Variants in SYNDIG1 observed in about 807,000 individuals in gnomAD.
The protein encoded by SYNDIG1 is synapse differentiation-inducing gene protein 1.
Under a neutral mutation model 19.4 loss-of-function variants are expected in SYNDIG1, and 9 were observed. The observed-to-expected ratio is 0.46, with a 90% CI of 0.28 to 0.81. SYNDIG1 has a LOEUF of 0.81. Ranked by LOEUF, SYNDIG1 falls within the 30% of genes least tolerant of loss-of-function variation. The pLI is 0.12. For synonymous variants in SYNDIG1, 141 were observed against 145.9 expected, an observed-to-expected ratio of 0.97 and a Z score of 0.24; for missense variants, 311 against 343.3, an observed-to-expected ratio of 0.91 and a Z score of 0.74.
intron 1 of SYNDIG1, among the ~76,000 whole-genome samples, chr20:24,540,812 T>C (rs1423656968): frequency 1.3e-5 from 2 of 152,168 alleles, no homozygotes; most frequent in Non-Finnish European, 2.9e-5. Flanking sequence ...AGTATTTTGT[T>C]GGGAGTTTTA....
chr20:24,626,640 C>A (rs2059142502), intron 3 of SYNDIG1, among the ~76,000 whole-genome samples: 1 of 152,154 alleles, frequency 6.6e-6, no homozygotes, highest in Non-Finnish European at 1.5e-5. Flanking sequence ...GATGGGCGGC[C>A]AGGCAGAGAC....
chr20:24,633,122 G>T (rs932180420), intron 3 of SYNDIG1, among the ~76,000 whole-genome samples: 1 of 152,160 alleles, frequency 6.6e-6, no homozygotes, highest in African/African-American at 2.4e-5. Context: ...GACGTGGCTT[G>T]CTGCAGCAAG....
intron 2 of SYNDIG1, among the ~76,000 whole-genome samples, chr20:24,560,062 C>CTTTT (rs1247087275): frequency 1.4e-5 from 1 of 70,346 alleles, no homozygotes; most frequent in Non-Finnish European, 2.6e-5. Context: ...TCTCTCCTCT[C>CTTTT]CTTTTTTTTT....
chr20:24,508,369 C>T (rs1281517474), intron 1 of SYNDIG1, among the ~76,000 whole-genome samples: 3 of 151,810 alleles, frequency 2.0e-5, no homozygotes, highest in Non-Finnish European at 4.4e-5. Flanking sequence ...GCTGAGATTA[C>T]AGGCGTGCAC....
intron 3 of SYNDIG1, among the ~76,000 whole-genome samples, chr20:24,607,375 A>G (rs1257687594): frequency 4.6e-5 from 7 of 151,708 alleles, no homozygotes; most frequent in Non-Finnish European, 8.8e-5. Context: ...AAAAAAAAAA[A>G]AAAGAATAAA....
At position 24,662,465 on chromosome 20, in the gene SYNDIG1, T is replaced by C. The variant is rs537605592; in HGVS notation, c.619-2881T>C. Among the ~76,000 whole-genome samples the C allele has an allele frequency of 4.6e-5, 7 of 152,204 alleles. No homozygotes were observed. In the South Asian group the frequency reaches 1.5e-3, roughly 32 times the overall value. On this transcript the variant is annotated intron_variant, in intron 3 of 3. Coordinates refer to ENST00000376862, the MANE Select transcript of SYNDIG1 (RefSeq NM_024893.3). ...GTTTCAGGTTGCAGGACATCTCCCT[T>C]GGGGGCTACGTCTGATGCCCTGCAG... is the stretch of plus-strand genomic sequence containing the variant.
At chr20:24,516,865 A>T (rs1881587217) in intron 1 of SYNDIG1, among the ~76,000 whole-genome samples, 1 of 152,210 alleles carries the variant, frequency 6.6e-6, no homozygotes, top group Non-Finnish European at 1.5e-5. Context: ...TGTTTATTGC[A>T]GCACTAGTCA....
chr20:24,648,396 T>A (rs1383005368), intron 3 of SYNDIG1, among the ~76,000 whole-genome samples: 1 of 152,238 alleles, frequency 6.6e-6, no homozygotes, highest in African/African-American at 2.4e-5. Flanking sequence ...TCCCAGTGTG[T>A]CCACTCTGAC....
intron 2 of SYNDIG1, among the ~76,000 whole-genome samples, chr20:24,555,644 G>A (rs1249603045): frequency 6.6e-6 from 1 of 152,146 alleles, no homozygotes; most frequent in East Asian, 1.9e-4. Context: ...CTGAGTTCTA[G>A]TTTGATTGCA....
intron 2 of SYNDIG1, among the ~76,000 whole-genome samples, chr20:24,568,030 A>G (rs2058082682): frequency 6.6e-6 from 1 of 152,192 alleles, no homozygotes; most frequent in Non-Finnish European, 1.5e-5. Flanking sequence ...AATCCCAGCT[A>G]CTTGGGAGGC....
intron 1 of SYNDIG1, among the ~76,000 whole-genome samples, chr20:24,503,475 G>A (rs1568590634): frequency 6.6e-6 from 1 of 152,130 alleles, no homozygotes; most frequent in Non-Finnish European, 1.5e-5. Flanking sequence ...CAGTGTCCAC[G>A]CGGTAAAAAT....
At chr20:24,591,391 C>A (rs1403644311) in intron 3 of SYNDIG1, among the ~76,000 whole-genome samples, 1 of 151,836 alleles carries the variant, frequency 6.6e-6, no homozygotes, top group Non-Finnish European at 1.5e-5. Context: ...GGGACCTTGT[C>A]TTTAAATATA....
At chr20:24,478,079 A>G (rs566305281) in intron 1 of SYNDIG1, among the ~76,000 whole-genome samples, 2 of 152,336 alleles carry the variant, frequency 1.3e-5, no homozygotes, top group Non-Finnish European at 2.9e-5. Flanking sequence ...GGCTGCCCTA[A>G]AAGGGTGGCT....
chr20:24,589,716 T>G (rs145814491), intron 3 of SYNDIG1, among the ~76,000 whole-genome samples: 1 of 152,310 alleles, frequency 6.6e-6, no homozygotes, highest in African/African-American at 2.4e-5. Context: ...ATAAAATGTT[T>G]CTTTCCTTTA....
rs2057243278 is a variant in SYNDIG1 at position 24,530,843 on chromosome 20, C to CGGAGACGG, written c.-78-12177_-78-12176insGGAGACGG. On this transcript the variant is annotated intron_variant, in intron 1 of 3. Coordinates refer to ENST00000376862, the MANE Select transcript of SYNDIG1 (RefSeq NM_024893.3). ...TTTTTTTCGGAGACGGAGTCTTGTT[C>CGGAGACGG]TGTCGCCCAGGCTGGAGAGCAGTGG... Among the ~76,000 whole-genome samples, 3 of 143,020 alleles carry CGGAGACGG rather than the reference C, an allele frequency of 2.1e-5. No individual in the cohort carries two copies. In the East Asian group the frequency reaches 6.0e-4, roughly 29 times the overall value. The allele number at this position is 143,020 out of a possible 152,430, so 93.8% of individuals were successfully genotyped here.
chr20:24,521,911 A>AT (rs2057013594), intron 1 of SYNDIG1, among the ~76,000 whole-genome samples: 1 of 151,606 alleles, frequency 6.6e-6, no homozygotes. Context: ...AAAAAAAAAA[A>AT]AAAATTAAGT....
At chr20:24,645,849 G>C (rs1232071684) in intron 3 of SYNDIG1, among the ~76,000 whole-genome samples, 2 of 152,124 alleles carry the variant, frequency 1.3e-5, no homozygotes, top group Non-Finnish European at 2.9e-5. Flanking sequence ...TCAAATCTTG[G>C]TTCTCTCCTC....
In SYNDIG1 at chr20:24,665,636, C is replaced by T; in HGVS notation, c.*132C>T. ...CCACGAAGCCCTGGGATTTCCTACC[C>T]ATGGATTTATTTTGTTTTTATCCTT... On this transcript the variant is annotated 3_prime_UTR_variant, in exon 4 of 4. Coordinates refer to ENST00000376862, the MANE Select transcript of SYNDIG1 (RefSeq NM_024893.3). 1 of 1,327,918 alleles carries T rather than the reference C, an allele frequency of 7.5e-7. No individual in the cohort carries two copies. The highest frequency in any genetic ancestry group is 1.0e-6 in the Non-Finnish European group (1 of 970,452). The allele number at this position is 1,327,918 out of a possible 1,614,324, so 82.3% of individuals were successfully genotyped here. A position where few individuals can be genotyped will look rare whatever the true frequency, so the allele number is the denominator to read the frequency against.
chr20:24,495,226 T>G (rs1401368201), intron 1 of SYNDIG1, among the ~76,000 whole-genome samples: 1 of 152,208 alleles, frequency 6.6e-6, no homozygotes, highest in Non-Finnish European at 1.5e-5. Context: ...GTGGATTTCT[T>G]GTCAGCTGTT....
Sources: allele counts gnomAD v4.1 joint callset (sites outside exome capture counted in the v4.1 genomes callset), GRCh38; gene constraint gnomAD v4.1.1; transcripts MANE v1.5; gene names NCBI Gene and HGNC (gene_info 2026-07-23, HGNC 2026-07-21).